SULT2A1: variants seen among roughly 807,000 people sequenced by gnomAD.
SULT2A1 encodes sulfotransferase 2A1.
Under a neutral mutation model 33.9 loss-of-function variants are expected in SULT2A1, and 43 were observed. The observed-to-expected ratio is 1.27, with a 90% confidence interval of 1.00 to 1.64. The LOEUF (loss-of-function observed/expected upper bound fraction) is 1.64. Among genes scored for constraint, SULT2A1 ranks in the 40% most tolerant of loss-of-function variants. The pLI, the probability that SULT2A1 is intolerant of heterozygous loss-of-function variation, is 0.00. For missense variants in SULT2A1, 300 were observed against 335.1 expected (o/e 0.90, Z 0.82); for synonymous variants, 125 against 113.6 (o/e 1.10, Z -0.64).
rs1968482297 is a variant in SULT2A1 at position 47,870,811 on chromosome 19, A to C, written c.*644T>G. 1 of 147,574 alleles carries C rather than the reference A, an allele frequency of 6.8e-6. No homozygotes were observed. Among genetic ancestry groups the C allele is most frequent in the African/African-American group, 2.4e-5 (1 of 41,160 alleles). The allele number at this position is 147,574 out of a possible 1,614,324, so 9.1% of individuals were successfully genotyped here. A position where few individuals can be genotyped will look rare whatever the true frequency, so the allele number is the denominator to read the frequency against. On this transcript the variant is annotated 3_prime_UTR_variant, in exon 6 of 6. Transcript: ENST00000222002. ...TGACTCAACTCACTGCAACCTTTGC[A>C]TCCCTGGGCTTTGAACCCTGGTTCT...
chr19:47,874,458 T>C (rs1968522881), intron 5 of SULT2A1, among the ~76,000 whole-genome samples, 199 bp downstream of exon 5: 1 of 148,184 alleles, frequency 6.7e-6, no homozygotes, highest in Admixed American at 6.9e-5. Flanking sequence ...AAGAATCACT[T>C]GAATCCTGGA....
At chr19:47,878,320 G>A (rs957796461) in intron 4 of SULT2A1, among the ~76,000 whole-genome samples, 1 of 151,924 alleles carries the variant, frequency 6.6e-6, no homozygotes, top group Non-Finnish European at 1.5e-5. Context: ...TGGAATTAGA[G>A]GTGTGCACCC....
intron 5 of SULT2A1, among the ~76,000 whole-genome samples, chr19:47,872,594 C>G (rs575648217): frequency 9.1e-4 from 139 of 152,120 alleles, no homozygotes; most frequent in Middle Eastern, 3.4e-3. Context: ...AGTTTCTCAG[C>G]GAGGTTCTCT....
At position 47,870,819 on chromosome 19, in the gene SULT2A1, G is replaced by C. The variant is rs1968482420; in HGVS notation, c.*636C>G. On this transcript the variant is annotated 3_prime_UTR_variant, in exon 6 of 6. Transcript: ENST00000222002. ...CTCACTGCAACCTTTGCATCCCTGG[G>C]CTTTGAACCCTGGTTCTCTGAACCC... 1.4e-5 allele frequency: 2 copies of C among 147,348 alleles called. No homozygotes were observed. Among genetic ancestry groups the C allele is most frequent in the South Asian group, 4.5e-4 (2 of 4,468 alleles). The allele number at this position is 147,348 out of a possible 1,614,324, so 9.1% of individuals were successfully genotyped here.
At position 47,879,990 on chromosome 19, in the gene SULT2A1, A is replaced by G. The variant is rs193216884; in HGVS notation, c.473-860T>C. Among the ~76,000 whole-genome samples, 494 of 152,122 alleles carry G rather than the reference A, an allele frequency of 3.2e-3. 5 individuals carry two copies. The highest frequency in any genetic ancestry group is 0.012 in the African/African-American group (480 of 41,510). On this transcript the variant is annotated intron_variant, in intron 3 of 5. Coordinates refer to ENST00000222002, the MANE Select transcript of SULT2A1 (RefSeq NM_003167.4). ...GGTGGCTCACACCTGTAATCCCAGC[A>G]CTTTGGGAGGCCGAGGCGGGCGGAT...
In SULT2A1 at chr19:47,871,338, A is replaced by T. The variant is rs1860961295; in HGVS notation, c.*117T>A. Reference sequence around the variant, plus strand: ...AAGGGATCAGAGATGCAGAGGTTTGATATTTAAGGTTTCAGGATAAAATAA... The same window carrying T: ...AAGGGATCAGAGATGCAGAGGTTTGTTATTTAAGGTTTCAGGATAAAATAA... On this transcript the variant is annotated 3_prime_UTR_variant, in exon 6 of 6. Transcript: ENST00000222002. 2.5e-6 allele frequency: 2 copies of T among 793,502 alleles called. No individual in the cohort carries two copies. Among genetic ancestry groups the T allele is most frequent in the South Asian group, 1.8e-5 (1 of 57,118 alleles). 49.2% of individuals were successfully genotyped at this position (793,502 alleles called of 1,614,324 possible).
intron 4 of SULT2A1, among the ~76,000 whole-genome samples, chr19:47,875,816 C>T (rs1968538650): frequency 6.6e-6 from 1 of 152,014 alleles, no homozygotes; most frequent in Non-Finnish European, 1.5e-5. Context: ...TTAGGGTTAG[C>T]AAGGAGAGGT....
At chr19:47,885,339 C>G (rs78392990) in intron 1 of SULT2A1, among the ~76,000 whole-genome samples, 2,251 of 151,298 alleles carry the variant, frequency 0.015, 46 homozygotes, top group African/African-American at 0.052. Context: ...GAATCACACA[C>G]TATTTGTATT....
chr19:47,886,114 C>A lies in SULT2A1; in HGVS notation c.136+8G>T. 1 of 1,613,176 alleles carries A rather than the reference C, an allele frequency of 6.2e-7. No homozygotes were observed. Among genetic ancestry groups the A allele is most frequent in the South Asian group, 1.1e-5 (1 of 90,910 alleles). On this transcript the variant is annotated splice_region_variant and intron_variant, in intron 1 of 5. Coordinates refer to ENST00000222002, the MANE Select transcript of SULT2A1 (RefSeq NM_003167.4). ...AGCCTTTCTCAGTTCACGATTCTGC[C>A]TCCTTACCTGATTTGGGGTAAGTCA...
intron 4 of SULT2A1, among the ~76,000 whole-genome samples, chr19:47,875,265 G>A (rs1009760226): frequency 2.6e-5 from 4 of 151,758 alleles, no homozygotes; most frequent in Non-Finnish European, 5.9e-5. Context: ...ACATGCAGAT[G>A]TGAGAAGGGA....
rs150504181 is a variant in SULT2A1 at position 47,875,194 on chromosome 19, A to T, written c.568-360T>A. 5.0e-3 allele frequency among the ~76,000 whole-genome samples: 759 copies of T among 150,850 alleles called. 8 individuals are homozygous for T. Among genetic ancestry groups the T allele is most frequent in the African/African-American group, 0.017 (714 of 41,032 alleles). The stretch of plus-strand genomic sequence containing the variant: ...AAAAAAAAAAAAAAAGACAATAGAA[A>T]AAAGTAAGATGAGAAGGAGGGAACC... On this transcript the variant is annotated intron_variant, in intron 4 of 5. Transcript: ENST00000222002.
rs141349917 is a variant in SULT2A1, at chr19:47,872,968, C to T, written c.746-1401G>A. Among the ~76,000 whole-genome samples the T allele has an allele frequency of 2.1e-3, 323 of 151,962 alleles. 2 individuals are homozygous for T. Among genetic ancestry groups the T allele is most frequent in the African/African-American group, 7.3e-3 (304 of 41,438 alleles). ...GTAGAAACAGAGTTTCACCATGTTG[C>T]CCAGGCTGGTCTCGAACTCCTGAGC... On this transcript the variant is annotated intron_variant, in intron 5 of 5. Coordinates refer to ENST00000222002, the MANE Select transcript of SULT2A1 (RefSeq NM_003167.4).
At position 47,882,155 on chromosome 19, in the gene SULT2A1, C is replaced by T. The variant is rs1968610624; in HGVS notation, c.401G>A (p.Trp134Ter). 2 of 1,613,606 alleles carry T rather than the reference C, an allele frequency of 1.2e-6. No individual in the cohort carries two copies. The highest frequency in any genetic ancestry group is 2.7e-5 in the African/African-American group (2 of 74,874). The change falls in exon 3 of 6, where the codon TGG (tryptophan) becomes TAG (stop). Residue 134 changes from tryptophan (W) to a stop codon, truncating the protein, a stop_gained. Coordinates refer to ENST00000222002, the MANE Select transcript of SULT2A1 (RefSeq NM_003167.4). LOFTEE classifies it high-confidence loss of function. ...RDVLVSGYFF[W>*]KNMKFIKKPK... ...TTTCTTAATAAACTTCATGTTTTTCCAGAAAAAATAACCAGACACCAAAAC... is the reference window on the plus strand; with the variant it reads ...TTTCTTAATAAACTTCATGTTTTTCTAGAAAAAATAACCAGACACCAAAAC...
intron 4 of SULT2A1, among the ~76,000 whole-genome samples, chr19:47,875,274 G>A (rs1188815490): frequency 1.3e-5 from 2 of 151,858 alleles, no homozygotes; most frequent in East Asian, 3.9e-4. Context: ...TGTGAGAAGG[G>A]ATTGAGTTGA....
At chr19:47,885,431 T>C (rs1183511832) in intron 1 of SULT2A1, among the ~76,000 whole-genome samples, 1 of 152,208 alleles carries the variant, frequency 6.6e-6, no homozygotes, top group African/African-American at 2.4e-5. Flanking sequence ...TTCTTCCTTC[T>C]CAAGGATGAA....
At chr19:47,882,917 AAAT>A (rs376365797) in intron 2 of SULT2A1, among the ~76,000 whole-genome samples, 9 of 151,872 alleles carry the variant, frequency 5.9e-5, no homozygotes, top group African/African-American at 1.4e-4. Flanking sequence ...CTGTGTCTCA[AAAT>A]AATAATAATA....
At chr19:47,876,743 C>T (rs1051308281) in intron 4 of SULT2A1, among the ~76,000 whole-genome samples, 14 of 133,892 alleles carry the variant, frequency 1.0e-4, no homozygotes. Flanking sequence ...GCACTCCAGC[C>T]TGGGTGACAG....
intron 3 of SULT2A1, among the ~76,000 whole-genome samples, chr19:47,879,940 TAAA>T (rs58296429): frequency 2.0e-5 from 3 of 150,120 alleles, no homozygotes; most frequent in African/African-American, 7.4e-5. Flanking sequence ...TAAAAAAAAT[TAAA>T]AAAAAAACCT....
At chr19:47,885,997 A>AGGCATTC (rs1357943494) in intron 1 of SULT2A1, 125 bp downstream of exon 1, 1 of 1,182,164 alleles carries the variant, frequency 8.5e-7, no homozygotes, top group Non-Finnish European at 1.2e-6. Flanking sequence ...CAATGGTATT[A>AGGCATTC]GGCATTCCTC....
Sources: gnomAD v4.1 joint callset for allele counts (sites outside exome capture counted in the v4.1 genomes callset) on GRCh38, gnomAD v4.1.1 for gene constraint, MANE v1.5 for transcripts, NCBI Gene and HGNC (gene_info 2026-07-23, HGNC 2026-07-21) for gene names.